The following TMEM255B variants were observed in gnomAD, a reference collection of about 807,000 sequenced individuals.
TMEM255B encodes family with sequence similarity 70, member B.
TMEM255B carries 35 observed loss-of-function variants against 34.5 expected under a neutral mutation model. The observed-to-expected ratio is 1.01, with a 90% CI of 0.77 to 1.34. The LOEUF (loss-of-function observed/expected upper bound fraction) is 1.34. Ranked by LOEUF, TMEM255B falls within the 40% of genes most tolerant of loss-of-function variation. TMEM255B has a pLI of 0.00. For missense variants in TMEM255B, 432 were observed against 433.2 expected (o/e 1.00, Z 0.02); for synonymous variants, 206 against 201.2 (o/e 1.02, Z -0.20).
intron 4 of TMEM255B, 98 bp downstream of exon 4, chr13:113,795,335 G>A: frequency 1.5e-6 from 2 of 1,299,116 alleles, no homozygotes; most frequent in Admixed American, 2.0e-5. Context: ...AGCTCAGACG[G>A]CTTCACCGTC....
At chr13:113,765,791 G>T (rs2050378237) in intron 1 of TMEM255B, among the ~76,000 whole-genome samples, 2 of 152,172 alleles carry the variant, frequency 1.3e-5, no homozygotes, top group South Asian at 4.1e-4. Flanking sequence ...GTCCTCCTGG[G>T]GACACCAGGG....
chr13:113,769,089 T>G lies in TMEM255B; in HGVS notation c.190-9T>G. Reference sequence around the variant, plus strand: ...GAGTGTTTCTCTCTCGTTCTTCCTTTGGTTTTAGCTCGGCTTTGGATCTTT... The same window carrying G: ...GAGTGTTTCTCTCTCGTTCTTCCTTGGGTTTTAGCTCGGCTTTGGATCTTT... On this transcript the variant is annotated splice_polypyrimidine_tract_variant and intron_variant, in intron 2 of 8. Transcript: ENST00000375353. The surrounding 1 kb of genome is among the most constrained non-coding windows in gnomAD (Gnocchi z 4.2). The G allele has an allele frequency of 1.9e-6, 3 of 1,614,184 alleles. No homozygotes were observed. Among genetic ancestry groups the G allele is most frequent in the Non-Finnish European group, 2.5e-6 (3 of 1,179,988 alleles).
Position 113,794,783 on chromosome 13 carries a change from G to A in TMEM255B, c.253-365G>A, listed in dbSNP as rs928390947. Among the ~76,000 whole-genome samples the A allele has an allele frequency of 2.6e-5, 4 of 152,250 alleles. No homozygotes were observed. In the East Asian group the frequency reaches 5.8e-4, roughly 22 times the overall value. On this transcript the variant is annotated intron_variant, in intron 3 of 8. Coordinates refer to ENST00000375353, the MANE Select transcript of TMEM255B (RefSeq NM_182614.4). ...GTGCGACAGTGTGTGAAGCTGATCC[G>A]ATGACTGTAAAGGCCTGTGTCAAGC...
chr13:113,782,001 A>G (rs2050672329), intron 3 of TMEM255B, among the ~76,000 whole-genome samples: 1 of 152,238 alleles, frequency 6.6e-6, no homozygotes, highest in Non-Finnish European at 1.5e-5. Context: ...CTAGAATTTA[A>G]CACTCCAAAA....
chr13:113,775,914 G>C (rs2050569561), intron 3 of TMEM255B, among the ~76,000 whole-genome samples: 1 of 152,240 alleles, frequency 6.6e-6, no homozygotes, highest in Non-Finnish European at 1.5e-5. Context: ...CCCCACAGGT[G>C]GCTTGAGTCA....
At chr13:113,801,835 C>T (rs576431160) in intron 7 of TMEM255B, 23 bp downstream of exon 7, 17 of 1,562,344 alleles carry the variant, frequency 1.1e-5, no homozygotes, top group Non-Finnish European at 1.4e-5. Context: ...GGTGGGACCC[C>T]CGCTGCTCAC....
At chr13:113,775,774 C>A (rs559962471) in intron 3 of TMEM255B, among the ~76,000 whole-genome samples, 2 of 152,238 alleles carry the variant, frequency 1.3e-5, no homozygotes, top group Non-Finnish European at 2.9e-5. Context: ...GCCTCACCAC[C>A]GAGGCCTCTT....
In TMEM255B at chr13:113,801,246, T is replaced by C. The variant is rs548079319; in HGVS notation, c.509+334T>C. On this transcript the variant is annotated intron_variant, in intron 6 of 8. Transcript: ENST00000375353. Reference sequence around the variant, plus strand: ...TGCCCAAGAGGACACAGCCCGTGTGTGTCGGGCGAGAGTTTAAACCTGGCC... The same window carrying C: ...TGCCCAAGAGGACACAGCCCGTGTGCGTCGGGCGAGAGTTTAAACCTGGCC... Among the ~76,000 whole-genome samples the C allele has an allele frequency of 4.6e-5, 7 of 152,326 alleles. No homozygotes were observed. The South Asian group carries it at 1.4e-3, about 32-fold the overall frequency.
rs2050443350 is a variant in TMEM255B at position 113,769,461 on chromosome 13, G to A, written c.252+301G>A. 2 of 366,946 alleles carry A rather than the reference G, an allele frequency of 5.5e-6. No homozygotes were observed. 22.7% of individuals were successfully genotyped at this position (366,946 alleles called of 1,614,324 possible). ...AGAATGCATGAAGTTTGGGACGGGG[G>A]TGGCAAATTAAATTAAGTCCTAGTG... On this transcript the variant is annotated intron_variant, in intron 3 of 8. Coordinates refer to ENST00000375353, the MANE Select transcript of TMEM255B (RefSeq NM_182614.4). This position sits in a 1 kb window ranked among gnomAD's most constrained non-coding sequence, Gnocchi z 4.2.
chr13:113,786,509 A>C (rs571934737), intron 3 of TMEM255B, among the ~76,000 whole-genome samples: 31 of 130,494 alleles, frequency 2.4e-4, no homozygotes, highest in African/African-American at 7.6e-4. Flanking sequence ...CACCATCACC[A>C]TCATCACCAT....
At chr13:113,809,990 T>C (rs1256566719) in intron 8 of TMEM255B, among the ~76,000 whole-genome samples, 1 of 152,288 alleles carries the variant, frequency 6.6e-6, no homozygotes, top group African/African-American at 2.4e-5. Context: ...GCCTGGGCTG[T>C]CAACCTCAAC....
At chr13:113,798,337 G>A (rs1348259779) in intron 4 of TMEM255B, among the ~76,000 whole-genome samples, 2 of 151,906 alleles carry the variant, frequency 1.3e-5, no homozygotes, top group African/African-American at 2.4e-5. Flanking sequence ...GATGACAGAT[G>A]GGTGAATGGA....
intron 3 of TMEM255B, among the ~76,000 whole-genome samples, chr13:113,773,956 C>A (rs1220104140): frequency 6.6e-6 from 1 of 152,208 alleles, no homozygotes; most frequent in South Asian, 2.1e-4. Context: ...ACAGAGAGAA[C>A]GAGTGTATTT....
intron 3 of TMEM255B, among the ~76,000 whole-genome samples, chr13:113,781,030 G>C (rs748029057): frequency 3.5e-4 from 53 of 152,232 alleles, no homozygotes; most frequent in Non-Finnish European, 6.9e-4. Context: ...AATGCTTCCT[G>C]TATAATTTTT....
At chr13:113,774,813 ACAC>A (rs2050541616) in intron 3 of TMEM255B, among the ~76,000 whole-genome samples, 1 of 149,652 alleles carries the variant, frequency 6.7e-6, no homozygotes, top group Non-Finnish European at 1.5e-5. Context: ...TACACTACAC[ACAC>A]CACCTACAAC....
rs1052623313 is a variant in TMEM255B, at chr13:113,759,245, C to T, written c.-25C>T. The stretch of plus-strand genomic sequence containing the variant: ...GGCGGCGGGACTGTGGCTGTGGCCC[C>T]GGGAGAGCCGGGTGGGGCCTCGGGA... On this transcript the variant is annotated 5_prime_UTR_variant, in exon 1 of 9. Coordinates refer to ENST00000375353, the MANE Select transcript of TMEM255B (RefSeq NM_182614.4). 4.2e-5 allele frequency: 52 copies of T among 1,227,262 alleles called. No individual in the cohort carries two copies. The highest frequency in any genetic ancestry group is 5.0e-5 in the Non-Finnish European group (49 of 985,116). 76.0% of individuals were successfully genotyped at this position (1,227,262 alleles called of 1,614,324 possible).
chr13:113,811,633 G>T (rs1484280641), intron 8 of TMEM255B, 103 bp from the exon 9 acceptor site: 1 of 1,364,246 alleles, frequency 7.3e-7, no homozygotes, highest in Non-Finnish European at 1.0e-6. Context: ...TTGGCGGGGT[G>T]GGTGGGGAGC....
At chr13:113,809,047 G>C (rs1362004429) in intron 8 of TMEM255B, among the ~76,000 whole-genome samples, 1 of 111,000 alleles carries the variant, frequency 9.0e-6, no homozygotes, top group Non-Finnish European at 1.8e-5. Flanking sequence ...TTGGGGGGAG[G>C]TTATGCTGTG....
rs951949602 is a variant in TMEM255B at position 113,759,422 on chromosome 13, C to T, written c.46+107C>T. 8.5e-5 allele frequency: 89 copies of T among 1,042,132 alleles called. No homozygotes were observed. The African/African-American group carries it at 1.4e-3, about 17-fold the overall frequency. The allele number at this position is 1,042,132 out of a possible 1,614,324, so 64.6% of individuals were successfully genotyped here. On this transcript the variant is annotated intron_variant, in intron 1 of 8. Coordinates refer to ENST00000375353, the MANE Select transcript of TMEM255B (RefSeq NM_182614.4). ...GGCCCGGGCGGAACCTGCGCGGAGA[C>T]GCGGCACGGGGTCTGGTCCCTCCGC...
Sources: allele counts gnomAD v4.1 joint callset (sites outside exome capture counted in the v4.1 genomes callset), GRCh38; gene constraint gnomAD v4.1.1; non-coding constraint Gnocchi (gnomAD v3.1); transcripts MANE v1.5; gene names NCBI Gene and HGNC (gene_info 2026-07-23, HGNC 2026-07-21).